The following DCLRE1C variants were observed in gnomAD, a reference collection of about 807,000 sequenced individuals.
DCLRE1C encodes protein artemis.
In DCLRE1C, 47 loss-of-function variants were observed where a neutral mutation model predicts 61.4. The ratio of observed to expected loss-of-function variants is 0.77; its 90% CI spans 0.61 to 0.98. The LOEUF (loss-of-function observed/expected upper bound fraction) is 0.98, where lower values mean the gene tolerates loss of function less well. Among genes scored for constraint, DCLRE1C ranks in the 50% least tolerant of loss-of-function variants. The pLI, the probability that DCLRE1C is intolerant of heterozygous loss-of-function variation, is 0.00. For synonymous variants in DCLRE1C, 337 were observed against 287.6 expected (o/e 1.17, Z -1.74); for missense variants, 858 against 816.0 (o/e 1.05, Z -0.63).
At position 14,923,991 on chromosome 10, in the gene DCLRE1C, C is replaced by T. The variant is rs41299646; in HGVS notation, c.973-922G>A. On this transcript the variant is annotated intron_variant, in intron 11 of 13. Coordinates refer to ENST00000378278, the MANE Select transcript of DCLRE1C (RefSeq NM_001033855.3). The stretch of plus-strand genomic sequence containing the variant: ...GCAACCTGCCTACATGCAACCCTCT[C>T]CTGCCACACAGGAAGGAACCCCCAT... Among the ~76,000 whole-genome samples, 1,248 of 152,378 alleles carry T rather than the reference C, an allele frequency of 8.2e-3. 20 individuals carry two copies. The highest frequency in any genetic ancestry group is 0.028 in the African/African-American group (1,168 of 41,586).
At chr10:14,902,293 C>A, downstream of DCLRE1C, 1 of 578,628 alleles carries the variant, frequency 1.7e-6, no homozygotes, top group Non-Finnish European at 2.9e-6. Context: ...AGGGTCTTGA[C>A]CATGTAAGTA....
intron 3 of DCLRE1C, among the ~76,000 whole-genome samples, chr10:14,943,673 A>C (rs1255933460): frequency 3.3e-5 from 5 of 152,050 alleles, no homozygotes; most frequent in South Asian, 2.1e-4. Context: ...CTGCCTCAGC[A>C]TCCCAAGGAG....
rs369844484 is a variant in DCLRE1C, at chr10:14,932,893, T to C, written c.741A>G (p.Thr247=). 3.7e-5 allele frequency: 59 copies of C among 1,614,096 alleles called. No individual in the cohort carries two copies. Among genetic ancestry groups the C allele is most frequent in the African/African-American group, 8.0e-5 (6 of 74,934 alleles). ...ATGCATGGATCTGAGTGTTGCGGTC[T>C]GTTGTGAGATGATGAAGGATCTCAG... ...NMPEILHHLT[T]DRNTQIHACR... The change falls in exon 9 of 14, where the codon ACA becomes ACG. Residue 247 remains threonine (T), a synonymous_variant. Coordinates refer to ENST00000378278, the MANE Select transcript of DCLRE1C (RefSeq NM_001033855.3).
At chr10:14,902,356 T>C (rs1190410721), downstream of DCLRE1C, 1 of 1,307,388 alleles carries the variant, frequency 7.6e-7, no homozygotes. Context: ...AAATTTATTC[T>C]AAATTGTCTT....
In DCLRE1C at chr10:14,905,143, A is replaced by G. The variant is rs1834286485; in HGVS notation, c.*3265T>C. ...GTATTGACTACGTGCTAGCAAGATT[A>G]ACCGAAGGTTTATATTCAATTCCTT... is the stretch of plus-strand genomic sequence containing the variant. On this transcript the variant is annotated 3_prime_UTR_variant, in exon 14 of 14. Coordinates refer to ENST00000378278, the MANE Select transcript of DCLRE1C (RefSeq NM_001033855.3). 6.6e-6 allele frequency among the ~76,000 whole-genome samples: 1 copy of G among 152,266 alleles called. No individual in the cohort carries two copies. The highest frequency in any genetic ancestry group is 2.4e-5 in the African/African-American group (1 of 41,476).
chr10:14,903,401 C>A (rs1463807059), downstream of DCLRE1C: 2 of 152,188 alleles, frequency 1.3e-5, no homozygotes, highest in African/African-American at 4.8e-5. Flanking sequence ...GCAGCTGTAC[C>A]TAACAATACT....
intron 1 of DCLRE1C, among the ~76,000 whole-genome samples, chr10:14,949,722 G>T (rs1564484090): frequency 6.6e-6 from 1 of 152,228 alleles, no homozygotes; most frequent in Non-Finnish European, 1.5e-5. Flanking sequence ...TAAAGGCCCA[G>T]ACAACAATGA....
In DCLRE1C at chr10:14,906,505, C is replaced by CT. The variant is rs1181602566; in HGVS notation, c.*1902dup. On this transcript the variant is annotated 3_prime_UTR_variant, in exon 14 of 14. Transcript: ENST00000378278. ...TTTACAGGCATTTTTTGAACAACCACTTTCGATCATAAGGTACACTGTTAA... is the reference window on the plus strand; with the variant it reads ...TTTACAGGCATTTTTTGAACAACCACTTTTCGATCATAAGGTACACTGTTAA... 6.6e-6 allele frequency among the ~76,000 whole-genome samples: 1 copy of CT among 152,202 alleles called. No homozygotes were observed. Among genetic ancestry groups the CT allele is most frequent in the Non-Finnish European group, 1.5e-5 (1 of 68,040 alleles).
chr10:14,935,114 A>C (rs1399382567), intron 6 of DCLRE1C, among the ~76,000 whole-genome samples: 2 of 151,752 alleles, frequency 1.3e-5, no homozygotes, highest in African/African-American at 4.8e-5. Flanking sequence ...CAGAACTCCC[A>C]AAGTGCTGGG....
intron 13 of DCLRE1C, among the ~76,000 whole-genome samples, chr10:14,909,896 G>C (rs751475961): frequency 6.6e-6 from 1 of 152,172 alleles, no homozygotes; most frequent in African/African-American, 2.4e-5. Context: ...AATAATCAAC[G>C]TGTCAAGAAC....
chr10:14,938,505 G>C (rs1464292742), intron 4 of DCLRE1C, among the ~76,000 whole-genome samples: 1 of 152,026 alleles, frequency 6.6e-6, no homozygotes, highest in Non-Finnish European at 1.5e-5. Context: ...CACCCTCAAA[G>C]TTAAACACGG....
chr10:14,902,592 C>T, downstream of DCLRE1C: 1 of 869,016 alleles, frequency 1.2e-6, no homozygotes, highest in Non-Finnish European at 1.7e-6. Flanking sequence ...ATTTGGGACT[C>T]TTATTATCAA....
intron 8 of DCLRE1C, among the ~76,000 whole-genome samples, chr10:14,933,615 C>T (rs1564436004): frequency 2.0e-5 from 3 of 151,244 alleles, no homozygotes; most frequent in South Asian, 2.1e-4. Flanking sequence ...CCAGCCTGGA[C>T]GACAGAGCAA....
In DCLRE1C at chr10:14,928,031, G is replaced by GT. The variant is rs1838315274; in HGVS notation, c.901dup (p.Thr301AsnfsTer24). 6.2e-7 allele frequency: 1 copy of GT among 1,613,642 alleles called. No homozygotes were observed. Among genetic ancestry groups the GT allele is most frequent in the African/African-American group, 1.3e-5 (1 of 74,860 alleles). ...GCTCTCTTACCTCACAATTACATTT[G>GT]TTTTTCTGCTCCTTTCTCCAAACCA... On this transcript the variant is annotated frameshift_variant, in exon 10 of 14. Coordinates refer to ENST00000378278, the MANE Select transcript of DCLRE1C (RefSeq NM_001033855.3). LOFTEE classifies it high-confidence loss of function.
intron 13 of DCLRE1C, among the ~76,000 whole-genome samples, chr10:14,917,197 GAC>G (rs997647177): frequency 6.6e-5 from 10 of 152,050 alleles, no homozygotes; most frequent in East Asian, 1.9e-4. Flanking sequence ...TATCCATACA[GAC>G]ACACACACAA....
In DCLRE1C at chr10:14,939,802, T is replaced by A. The variant is rs375545251; in HGVS notation, c.306+8A>T. On this transcript the variant is annotated splice_region_variant and intron_variant, in intron 4 of 13. Transcript: ENST00000378278. The stretch of plus-strand genomic sequence containing the variant: ...TTTTAAAAAAATCAATATTTAATAT[T>A]TAGTTACCTCTCCTGATGCTTCATC... 3 of 1,583,034 alleles carry A rather than the reference T, an allele frequency of 1.9e-6. No homozygotes were observed. The African/African-American group carries it at 4.0e-5, about 21-fold the overall frequency.
chr10:14,902,624 C>T (rs373511332), downstream of DCLRE1C: 30 of 693,102 alleles, frequency 4.3e-5, no homozygotes, highest in African/African-American at 3.1e-4. Context: ...TGTTAATTTA[C>T]AATTCATGTT....
chr10:14,936,235 T>C (rs1285648595), intron 5 of DCLRE1C, among the ~76,000 whole-genome samples: 4 of 152,004 alleles, frequency 2.6e-5, no homozygotes, highest in African/African-American at 7.2e-5. Context: ...AAATCTGATC[T>C]TCACCTCAGT....
At chr10:14,912,807 T>C (rs1048110923) in intron 13 of DCLRE1C, among the ~76,000 whole-genome samples, 7 of 152,162 alleles carry the variant, frequency 4.6e-5, no homozygotes, top group Non-Finnish European at 1.0e-4. Context: ...TCCGCTGCCC[T>C]AATAGCTGGG....
Sources: allele counts gnomAD v4.1 joint callset (sites outside exome capture counted in the v4.1 genomes callset), GRCh38; gene constraint gnomAD v4.1.1; transcripts MANE v1.5; gene names NCBI Gene and HGNC (gene_info 2026-07-23, HGNC 2026-07-21).